GPHN: variants seen among roughly 807,000 people sequenced by gnomAD.
GPHN encodes gephyrin.
In GPHN, 17 loss-of-function variants were observed where a neutral mutation model predicts 95.5. The observed-to-expected ratio is 0.18, with a 90% CI of 0.12 to 0.27. GPHN has a LOEUF of 0.27. Among genes scored for constraint, GPHN ranks in the 10% least tolerant of loss-of-function variants. The pLI is 1.00. For missense variants in GPHN, 660 were observed against 978.1 expected (o/e 0.67, Z 4.34); for synonymous variants, 320 against 322.5 (o/e 0.99, Z 0.08).
At chr14:66,728,971 G>T (rs990019836) in intron 2 of GPHN, among the ~76,000 whole-genome samples, 1 of 152,116 alleles carries the variant, frequency 6.6e-6, no homozygotes, top group African/African-American at 2.4e-5. Flanking sequence ...GGAGGAACCT[G>T]GTGGGAGGTA....
At chr14:67,504,710 C>A in the GPHN span, among the ~76,000 whole-genome samples, 3 of 152,274 alleles carry the variant, frequency 2.0e-5, no homozygotes, top group Admixed American at 2.0e-4. Flanking sequence ...CTTGGTGAAA[C>A]CCTGTCTCTA....
the GPHN span, chr14:67,208,119 C>A: frequency 1.9e-6 from 3 of 1,548,588 alleles, no homozygotes; most frequent in Middle Eastern, 2.3e-4. Context: ...TGAAATGGTG[C>A]CTGTATTCGA....
At chr14:66,721,010 C>A (rs149765994) in intron 2 of GPHN, among the ~76,000 whole-genome samples, 240 of 152,318 alleles carry the variant, frequency 1.6e-3, no homozygotes, top group Admixed American at 6.7e-3. Flanking sequence ...ATTATAATCA[C>A]CCTTTTCAGT....
At chr14:67,289,727 G>C in the GPHN span, among the ~76,000 whole-genome samples, 1 of 150,208 alleles carries the variant, frequency 6.7e-6, no homozygotes. Context: ...TATAAGAAGA[G>C]AGCTGACAAA....
chr14:66,937,840 C>T (rs2067211397), intron 8 of GPHN, among the ~76,000 whole-genome samples: 1 of 152,134 alleles, frequency 6.6e-6, no homozygotes, highest in Non-Finnish European at 1.5e-5. Flanking sequence ...TTTTAAAGGT[C>T]TCTATTTTTG....
At chr14:67,318,189 G>A in the GPHN span, among the ~76,000 whole-genome samples, 261 of 152,292 alleles carry the variant, frequency 1.7e-3, 3 homozygotes, top group African/African-American at 6.2e-3. Flanking sequence ...TCCTTCTTAT[G>A]TAATTTATAA....
At chr14:67,695,461 C>G in the GPHN span, among the ~76,000 whole-genome samples, 5 of 152,258 alleles carry the variant, frequency 3.3e-5, no homozygotes, top group Non-Finnish European at 7.3e-5. Flanking sequence ...CGGGTGTCCT[C>G]CTGGCACCCA....
the GPHN span, among the ~76,000 whole-genome samples, chr14:67,618,295 G>A: frequency 2.0e-5 from 3 of 152,080 alleles, no homozygotes; most frequent in African/African-American, 4.8e-5. Flanking sequence ...TTCGCGAGTG[G>A]GGCCCAAGAA....
chr14:66,811,949 C>A (rs117439380), intron 3 of GPHN, among the ~76,000 whole-genome samples: 1,833 of 152,280 alleles, frequency 0.012, 19 homozygotes, highest in Non-Finnish European at 0.018. Flanking sequence ...TAGACAGATT[C>A]TACCATTTGG....
At chr14:67,349,241 T>C in the GPHN span, 16 of 842,820 alleles carry the variant, frequency 1.9e-5, no homozygotes, top group East Asian at 3.0e-4. Context: ...CTGTCCTTTT[T>C]CCAAAAAGGG....
At chr14:67,592,875 T>C in the GPHN span, 1 of 520,936 alleles carries the variant, frequency 1.9e-6, no homozygotes, top group Non-Finnish European at 3.5e-6. Flanking sequence ...AACCTCTACC[T>C]CCCAGGTTCA....
the GPHN span, among the ~76,000 whole-genome samples, chr14:67,429,230 A>ATT: frequency 0.028 from 3,747 of 134,586 alleles, 191 homozygotes; most frequent in East Asian, 0.16. Context: ...CAAGTGGACA[A>ATT]TTTTTTTTTT....
chr14:67,387,407 A>T, the GPHN span: 12 of 1,610,550 alleles, frequency 7.5e-6, no homozygotes, highest in South Asian at 1.3e-4. Context: ...AGTGTGTGTC[A>T]TCCTTAGTAA....
chr14:67,575,007 C>A, the GPHN span, among the ~76,000 whole-genome samples: 619 of 152,304 alleles, frequency 4.1e-3, 5 homozygotes, highest in African/African-American at 0.014. Flanking sequence ...CCGTGTGCAG[C>A]TTCTGTTCCT....
At chr14:67,436,622 C>T in the GPHN span, among the ~76,000 whole-genome samples, 5 of 152,176 alleles carry the variant, frequency 3.3e-5, no homozygotes, top group African/African-American at 7.2e-5. Flanking sequence ...ATCTGGCACC[C>T]GATAATCTCA....
At chr14:66,998,902 T>C (rs964915837) in intron 9 of GPHN, among the ~76,000 whole-genome samples, 1 of 144,496 alleles carries the variant, frequency 6.9e-6, no homozygotes, top group Middle Eastern at 3.6e-3. Context: ...TATATATATA[T>C]ATACACATAT....
intron 1 of GPHN, among the ~76,000 whole-genome samples, chr14:66,670,025 ATT>A (rs1347716378): frequency 9.9e-5 from 15 of 152,126 alleles, no homozygotes; most frequent in Non-Finnish European, 1.9e-4. Context: ...AAACCTGAAC[ATT>A]TTGGGTCTTA....
chr14:67,650,918 T>G, the GPHN span: 1 of 1,613,788 alleles, frequency 6.2e-7, no homozygotes, highest in Non-Finnish European at 8.5e-7. Context: ...TGTGAGAATT[T>G]AGGAGACACT....
rs1230465038 is a variant in GPHN, at chr14:66,582,561, T to A, written c.64+73970T>A. Reference sequence around the variant, plus strand: ...CCCCCCACCCCACAACAGTCCCCAGTGTGTGATGTTCCCCTTCCTGTGTCT... The same window carrying A: ...CCCCCCACCCCACAACAGTCCCCAGAGTGTGATGTTCCCCTTCCTGTGTCT... On this transcript the variant is annotated intron_variant, in intron 1 of 22. Coordinates refer to ENST00000478722, the MANE Select transcript of GPHN (RefSeq NM_020806.5). Among the ~76,000 whole-genome samples the A allele has an allele frequency of 2.7e-5, 4 of 147,030 alleles. No homozygotes were observed. The East Asian group carries it at 8.5e-4, about 31-fold the overall frequency.
Sources: gnomAD v4.1 joint callset for allele counts (sites outside exome capture counted in the v4.1 genomes callset) on GRCh38, gnomAD v4.1.1 for gene constraint, MANE v1.5 for transcripts, NCBI Gene and HGNC (gene_info 2026-07-23, HGNC 2026-07-21) for gene names.